The following KIAA0825 variants were observed in gnomAD, a reference collection of about 807,000 sequenced individuals.
The protein encoded by KIAA0825 is KIAA0825.
A neutral mutation model predicts 147.6 loss-of-function variants in KIAA0825; 119 were observed. That is an observed-to-expected ratio of 0.81 (90% CI 0.69 to 0.94). The LOEUF (loss-of-function observed/expected upper bound fraction) is 0.94, where lower values mean the gene tolerates loss of function less well. KIAA0825 is among the 40% of genes least tolerant of loss of function. The pLI is 0.00. For synonymous variants in KIAA0825, 470 were observed against 518.1 expected (o/e 0.91, Z 1.26); for missense variants, 1,381 against 1,472.7 (o/e 0.94, Z 1.02).
In KIAA0825 at chr5:94,537,103, A is replaced by G; in HGVS notation, c.24T>C (p.Ser8=). 6.2e-7 allele frequency: 1 copy of G among 1,611,778 alleles called. No individual in the cohort carries two copies. The highest frequency in any genetic ancestry group is 1.1e-5 in the South Asian group (1 of 90,638). The change falls in exon 3 of 21, where the codon TCT becomes TCC. Residue 8 remains serine (S), a synonymous_variant. Coordinates refer to ENST00000682413, the MANE Select transcript of KIAA0825 (RefSeq NM_001145678.3). MDWDDEY[S]HNSFDLHCLL... is the part of the protein sequence containing the mutation. The stretch of plus-strand genomic sequence containing the variant: ...AACAATGTAGGTCAAAAGAATTATG[A>G]GAATATTCATCATCCCAATCCATTC...
chr5:94,383,712 T>C (rs385655), intron 20 of KIAA0825, among the ~76,000 whole-genome samples: 17,288 of 152,158 alleles, frequency 0.11, 1,143 homozygotes, highest in East Asian at 0.18. Flanking sequence ...AAAATGTTCA[T>C]ACTTTTGTGC....
chr5:94,608,488 TATAATTA>T, intron 1 of KIAA0825, among the ~76,000 whole-genome samples: 1 of 38,576 alleles, frequency 2.6e-5, no homozygotes, highest in African/African-American at 1.9e-4. Context: ...TATATATATA[TATAATTA>T]TATATATATA....
At chr5:94,188,395 T>C (rs1770355400) in intron 20 of KIAA0825, among the ~76,000 whole-genome samples, 1 of 152,248 alleles carries the variant, frequency 6.6e-6, no homozygotes, top group African/African-American at 2.4e-5. Context: ...GCCATACTGA[T>C]AGCTCTTTAA....
chr5:94,417,599 A>G (rs2150714500), intron 14 of KIAA0825, among the ~76,000 whole-genome samples: 1 of 152,296 alleles, frequency 6.6e-6, no homozygotes, highest in South Asian at 2.1e-4. Flanking sequence ...ACAACCAAAA[A>G]AACCTGTGAG....
intron 13 of KIAA0825, among the ~76,000 whole-genome samples, chr5:94,441,119 C>G (rs1314196629): frequency 2.0e-5 from 3 of 152,070 alleles, no homozygotes; most frequent in Admixed American, 2.0e-4. Context: ...TTATCATTAG[C>G]AGATGCAATT....
At chr5:94,507,323 C>T (rs1765863192) in intron 5 of KIAA0825, among the ~76,000 whole-genome samples, 1 of 152,084 alleles carries the variant, frequency 6.6e-6, no homozygotes, top group Non-Finnish European at 1.5e-5. Context: ...TGGTGCACAC[C>T]TGTAGTCCCA....
At chr5:94,400,543 T>C (rs29929) in intron 16 of KIAA0825, among the ~76,000 whole-genome samples, 18,206 of 152,146 alleles carry the variant, frequency 0.12, 1,218 homozygotes, top group East Asian at 0.26. Context: ...CTAGAATTCA[T>C]TGTTTCCATT....
chr5:94,443,911 T>C (rs543610298), intron 13 of KIAA0825, among the ~76,000 whole-genome samples: 2 of 152,322 alleles, frequency 1.3e-5, no homozygotes, highest in South Asian at 2.1e-4. Context: ...ACCATTTATA[T>C]ATCATGCAGA....
intron 20 of KIAA0825, among the ~76,000 whole-genome samples, chr5:94,351,821 G>C (rs10072322): frequency 3.9e-5 from 6 of 152,246 alleles, no homozygotes; most frequent in African/African-American, 1.4e-4. Flanking sequence ...AATATGAAGT[G>C]GGGAAAGGAC....
At chr5:94,332,609 T>C (rs1206117298) in intron 20 of KIAA0825, among the ~76,000 whole-genome samples, 6 of 152,342 alleles carry the variant, frequency 3.9e-5, no homozygotes, top group South Asian at 2.1e-4. Context: ...CACATTTTCT[T>C]TACCCAGTCT....
chr5:94,326,164 A>G (rs1302088590), intron 20 of KIAA0825, among the ~76,000 whole-genome samples: 5 of 152,140 alleles, frequency 3.3e-5, no homozygotes, highest in African/African-American at 1.2e-4. Context: ...AATAAGGAAA[A>G]TCACTTTACC....
At chr5:94,455,211 C>T (rs187040576) in intron 12 of KIAA0825, among the ~76,000 whole-genome samples, 4 of 151,662 alleles carry the variant, frequency 2.6e-5, no homozygotes, top group African/African-American at 7.3e-5. Context: ...AAAAAAGGAA[C>T]GTAAGATGTA....
chr5:94,363,765 G>A (rs1223385591), intron 20 of KIAA0825, among the ~76,000 whole-genome samples: 2 of 151,928 alleles, frequency 1.3e-5, no homozygotes, highest in Non-Finnish European at 2.9e-5. Context: ...CTATTCAGGA[G>A]GCTGAGGCTA....
rs1766435512 is a variant in KIAA0825, at chr5:94,150,977, C to T, written c.*3030G>A. ...TACATAAAAATACAATTAAGCAGAA[C>T]ACAGAAGGAAGATCATACTTTATAG... is the stretch of plus-strand genomic sequence containing the variant. On this transcript the variant is annotated 3_prime_UTR_variant, in exon 21 of 21. Coordinates refer to ENST00000682413, the MANE Select transcript of KIAA0825 (RefSeq NM_001145678.3). 6.6e-6 allele frequency among the ~76,000 whole-genome samples: 1 copy of T among 151,906 alleles called. No homozygotes were observed. Among genetic ancestry groups the T allele is most frequent in the Non-Finnish European group, 1.5e-5 (1 of 67,978 alleles).
chr5:94,227,063 C>T (rs1293819650), intron 20 of KIAA0825, among the ~76,000 whole-genome samples: 5 of 151,944 alleles, frequency 3.3e-5, no homozygotes, highest in East Asian at 1.9e-4. Flanking sequence ...ACCCAAAGGA[C>T]TATAAATCAT....
rs76245164 is a variant in KIAA0825 at position 94,519,370 on chromosome 5, C to T, written c.970+878G>A. ...TAGTTTATGAACTTATTCAGAAATA[C>T]ACCTCAGATTTTATATAAAAGCATA... On this transcript the variant is annotated intron_variant, in intron 5 of 20. Transcript: ENST00000682413. 642 of 891,000 alleles carry T rather than the reference C, an allele frequency of 7.2e-4. 2 individuals carry two copies. The African/African-American group carries it at 7.9e-3, about 11-fold the overall frequency. 55.2% of individuals were successfully genotyped at this position (891,000 alleles called of 1,614,324 possible). A position where few individuals can be genotyped will look rare whatever the true frequency, so the allele number is the denominator to read the frequency against.
intron 2 of KIAA0825, chr5:94,569,629 A>G (rs1345090829): frequency 2.7e-6 from 1 of 364,668 alleles, no homozygotes; most frequent in East Asian, 4.1e-5. Context: ...TCTCCACATG[A>G]TGAAACCTCG....
At chr5:94,297,420 T>C (rs1584036178) in intron 20 of KIAA0825, among the ~76,000 whole-genome samples, 1 of 152,208 alleles carries the variant, frequency 6.6e-6, no homozygotes, top group East Asian at 1.9e-4. Flanking sequence ...TGTTTTTCCT[T>C]TTCCAAAAAA....
At chr5:94,405,336 G>A in intron 15 of KIAA0825, among the ~76,000 whole-genome samples, 1 of 152,146 alleles carries the variant, frequency 6.6e-6, no homozygotes, top group East Asian at 1.9e-4. Flanking sequence ...TCAGGCTACT[G>A]TTAAGAAAGA....
Sources: gnomAD v4.1 joint callset for allele counts (sites outside exome capture counted in the v4.1 genomes callset) on GRCh38, gnomAD v4.1.1 for gene constraint, MANE v1.5 for transcripts, NCBI Gene and HGNC (gene_info 2026-07-23, HGNC 2026-07-21) for gene names.